PRRC2A: variants seen among roughly 807,000 people sequenced by gnomAD.
The protein encoded by PRRC2A is proline rich coiled-coil 2A, also known as protein PRRC2A.
Under a neutral mutation model 224.6 loss-of-function variants are expected in PRRC2A, and 59 were observed. That is an observed-to-expected ratio of 0.26 (90% confidence interval 0.21 to 0.33). The LOEUF is 0.33. Among genes scored for constraint, PRRC2A ranks in the 10% least tolerant of loss-of-function variants. PRRC2A has a pLI of 1.00. For synonymous variants in PRRC2A, 1,194 were observed against 1,109.5 expected (o/e 1.08, Z -1.51); for missense variants, 3,095 against 2,880.7 (o/e 1.07, Z -1.70).
In PRRC2A at chr6:31,631,060, C is replaced by T; in HGVS notation, c.2466-79C>T. On this transcript the variant is annotated intron_variant, in intron 15 of 30. Coordinates refer to ENST00000376033, the MANE Select transcript of PRRC2A (RefSeq NM_004638.4). The surrounding 1 kb of genome is among the most constrained non-coding windows in gnomAD (Gnocchi z 4.5). ...AAAAATAGTAAAAGAGAGTCTGCAT[C>T]ATAATAAAGTGTTCTTTTCCCACCT... 4 of 1,359,386 alleles carry T rather than the reference C, an allele frequency of 2.9e-6. No individual in the cohort carries two copies. The highest frequency in any genetic ancestry group is 1.5e-5 in the African/African-American group (1 of 68,434). 84.2% of individuals were successfully genotyped at this position (1,359,386 alleles called of 1,614,324 possible).
Position 31,631,997 on chromosome 6 carries a change from A to G in PRRC2A, c.3324A>G (p.Thr1108=), listed in dbSNP as rs1190174350. ...GGCGCCGGCAGCGGGGCTCAGAAACAGGCAGCGAGACCCATGAGAGTGATC... is the reference window on the plus strand; with the variant it reads ...GGCGCCGGCAGCGGGGCTCAGAAACGGGCAGCGAGACCCATGAGAGTGATC... ...PKRRRQRGSE[T]GSETHESDLA... The change falls in exon 16 of 31, where the codon ACA becomes ACG. Residue 1108 remains threonine (T), a synonymous_variant. Coordinates refer to ENST00000376033, the MANE Select transcript of PRRC2A (RefSeq NM_004638.4). The surrounding 1 kb of genome is among the most constrained non-coding windows in gnomAD (Gnocchi z 4.5). 11 of 1,611,512 alleles carry G rather than the reference A, an allele frequency of 6.8e-6. No homozygotes were observed. The highest frequency in any genetic ancestry group is 9.3e-6 in the Non-Finnish European group (11 of 1,179,202).
rs760550028 is a variant in PRRC2A at position 31,637,450 on chromosome 6, C to T, written c.6338C>T (p.Ser2113Phe). 6.3e-7 allele frequency: 1 copy of T among 1,579,802 alleles called. No homozygotes were observed. The highest frequency in any genetic ancestry group is 1.2e-5 in the South Asian group (1 of 86,484). ...TQRVDLYQQA[S>F]PPDALRWIPK... ...TAACACATGCCTGTCCCCTAGGCCT[C>T]CCCACCAGATGCCCTGCGCTGGATA... Residue 2113 changes from serine to phenylalanine, a missense_variant, in exon 31 of 31, where the codon TCC becomes TTC. This residue lies in a region of PRRC2A where 662 missense variants were observed against 609.5 expected (regional missense o/e 1.09). Transcript: ENST00000376033.
At position 31,631,435 on chromosome 6, in the gene PRRC2A, G is replaced by A. The variant is rs772612664; in HGVS notation, c.2762G>A (p.Arg921His). 52 of 1,609,680 alleles carry A rather than the reference G, an allele frequency of 3.2e-5. No individual in the cohort carries two copies. The East Asian group carries it at 9.6e-4, about 30-fold the overall frequency. Residue 921 changes from arginine (R) to histidine (H), a missense_variant, in exon 16 of 31, where the codon CGC becomes CAC. Physicochemically the swap from Arg to His is conservative, Grantham distance 29. Coordinates refer to ENST00000376033, the MANE Select transcript of PRRC2A (RefSeq NM_004638.4). The surrounding 1 kb of genome is among the most constrained non-coding windows in gnomAD (Gnocchi z 4.5). ...CCCCCACCACCACGCAGAGAGAGTCGCACAGAGACCCGCTGGGGCCCTCGT... is the reference window on the plus strand; with the variant it reads ...CCCCCACCACCACGCAGAGAGAGTCACACAGAGACCCGCTGGGGCCCTCGT... ...QGPPPPRRES[R>H]TETRWGPRPG... is the part of the protein sequence containing the mutation.
chr6:31,634,199 C>T, intron 18 of PRRC2A, 37 bp from the exon 19 acceptor site: 2 of 1,574,964 alleles, frequency 1.3e-6, no homozygotes, highest in Non-Finnish European at 1.7e-6. Flanking sequence ...AATTCCCACC[C>T]AATTCATGTT....
Position 31,624,264 on chromosome 6 carries a change from C to A in PRRC2A, c.294C>A (p.Ser98=). The change falls in exon 4 of 31, where the codon TCC becomes TCA. Residue 98 remains serine (S), a synonymous_variant. Coordinates refer to ENST00000376033, the MANE Select transcript of PRRC2A (RefSeq NM_004638.4). ...CCTTCCCATTCTGTCCCCTCAGTTCCGATGCCTCAACCGCTCAGCCGCCGG... is the reference window on the plus strand; with the variant it reads ...CCTTCCCATTCTGTCCCCTCAGTTCAGATGCCTCAACCGCTCAGCCGCCGG... The part of the protein sequence containing the change: ...SKQEQSDPKS[S]DASTAQPPES... 1.9e-6 allele frequency: 3 copies of A among 1,613,370 alleles called. No homozygotes were observed. The highest frequency in any genetic ancestry group is 2.5e-6 in the Non-Finnish European group (3 of 1,179,862).
Position 31,631,977 on chromosome 6 carries a change from C to A in PRRC2A, c.3304C>A (p.Arg1102=). Residue 1102 remains arginine (R), a synonymous_variant, in exon 16 of 31, where the codon CGG becomes AGG. Coordinates refer to ENST00000376033, the MANE Select transcript of PRRC2A (RefSeq NM_004638.4). This position sits in a 1 kb window ranked among gnomAD's most constrained non-coding sequence, Gnocchi z 4.5. ...GTATGAGGAAATCCCCAAGCGGCGC[C>A]GGCAGCGGGGCTCAGAAACAGGCAG... ...SEYEEIPKRR[R]QRGSETGSET... 6.2e-7 allele frequency: 1 copy of A among 1,612,650 alleles called. No individual in the cohort carries two copies.
In PRRC2A at chr6:31,625,959, A is replaced by G. The variant is rs372557119; in HGVS notation, c.840-61A>G. 6 of 1,599,326 alleles carry G rather than the reference A, an allele frequency of 3.8e-6. No individual in the cohort carries two copies. In the African/African-American group the frequency reaches 6.7e-5, roughly 18 times the overall value. On this transcript the variant is annotated intron_variant, in intron 8 of 30. Transcript: ENST00000376033. The surrounding 1 kb of genome is among the most constrained non-coding windows in gnomAD (Gnocchi z 4.1). ...GTTTTCTAGCCAGGAGGCTCAGTCT[A>G]GGATCAGTCTCGCATGTGGTTATAC...
chr6:31,633,107 C>T (rs1776864755), intron 16 of PRRC2A, 115 bp downstream of exon 16: 4 of 1,339,534 alleles, frequency 3.0e-6, no homozygotes, highest in African/African-American at 1.5e-5. Flanking sequence ...GCCATGGGCT[C>T]TAGAATGTCA....
chr6:31,637,393 T>C (rs950829049), intron 30 of PRRC2A, 53 bp from the exon 31 acceptor site: 54 of 1,602,784 alleles, frequency 3.4e-5, no homozygotes, highest in Non-Finnish European at 4.5e-5. Flanking sequence ...TCCTTCCGTC[T>C]CATCGCTGAC....
chr6:31,631,467 A>G lies in PRRC2A; in HGVS notation c.2794A>G (p.Ser932Gly). The change falls in exon 16 of 31, where the codon AGC (serine) becomes GGC (glycine). Residue 932 changes from serine to glycine, a missense_variant. Physicochemically the swap from Ser to Gly is moderately conservative, Grantham distance 56 (BLOSUM62 0). Transcript: ENST00000376033. The surrounding 1 kb of genome is among the most constrained non-coding windows in gnomAD (Gnocchi z 4.5). Reference sequence around the variant, plus strand: ...GACCCGCTGGGGCCCTCGTCCAGGGAGCAGTCGTCGTGGAATCCCTCCAGA... The same window carrying G: ...GACCCGCTGGGGCCCTCGTCCAGGGGGCAGTCGTCGTGGAATCCCTCCAGA... ...TETRWGPRPG[S>G]SRRGIPPEEP... is the part of the protein sequence containing the mutation. The G allele has an allele frequency of 6.2e-7, 1 of 1,610,226 alleles. No individual in the cohort carries two copies. The highest frequency in any genetic ancestry group is 1.3e-5 in the African/African-American group (1 of 74,886).
intron 24 of PRRC2A, 78 bp downstream of exon 24, chr6:31,635,827 C>T: frequency 2.0e-6 from 3 of 1,491,196 alleles, no homozygotes; most frequent in African/African-American, 1.4e-5. Flanking sequence ...TATAATCAAG[C>T]CTTTCTACGT....
At chr6:31,630,153 C>T (rs1776379887) in intron 14 of PRRC2A, among the ~76,000 whole-genome samples, 1 of 151,902 alleles carries the variant, frequency 6.6e-6, no homozygotes. Flanking sequence ...CCCATTTCTA[C>T]TAAAAATACA....
At position 31,626,965 on chromosome 6, in the gene PRRC2A, T is replaced by C. The variant is rs1358130428; in HGVS notation, c.1074-17T>C. The C allele has an allele frequency of 2.5e-6, 4 of 1,614,012 alleles. No homozygotes were observed. The African/African-American group carries it at 4.0e-5, about 16-fold the overall frequency. On this transcript the variant is annotated splice_polypyrimidine_tract_variant and intron_variant, in intron 10 of 30. Transcript: ENST00000376033. The stretch of plus-strand genomic sequence containing the variant: ...TAGTTGCAGCTGATTTTAATTTCAC[T>C]GTTGATCTGCTCACAGCAGGGATTC...
intron 16 of PRRC2A, 55 bp from the exon 17 acceptor site, chr6:31,633,324 G>T (rs1449662056): frequency 1.9e-6 from 3 of 1,568,910 alleles, no homozygotes; most frequent in Non-Finnish European, 2.6e-6. Context: ...AACATAACTT[G>T]TGGGAAAAAG....
intron 2 of PRRC2A, 140 bp downstream of exon 2, chr6:31,623,041 C>A: frequency 1.2e-6 from 1 of 810,836 alleles, no homozygotes. Flanking sequence ...ACACTGGGTC[C>A]TTTAAAGGGG....
chr6:31,631,383 C>T lies in PRRC2A; in HGVS notation c.2710C>T (p.Arg904Cys), dbSNP rs760996116. Residue 904 changes from arginine to cysteine, a missense_variant, in exon 16 of 31, where the codon CGC (arginine) becomes TGC (cysteine). By Grantham distance (180) the Arg-to-Cys change is radical. Coordinates refer to ENST00000376033, the MANE Select transcript of PRRC2A (RefSeq NM_004638.4). This position sits in a 1 kb window ranked among gnomAD's most constrained non-coding sequence, Gnocchi z 4.5. ...TGPEAGRKPA[R>C]GVGSGGQGPP... ...GCCAGAAGCAGGCCGAAAGCCTGCC[C>T]GCGGAGTCGGGAGTGGAGGCCAGGG... 1.6e-5 allele frequency: 25 copies of T among 1,605,526 alleles called. No homozygotes were observed. Among genetic ancestry groups the T allele is most frequent in the Non-Finnish European group, 1.8e-5 (21 of 1,177,122 alleles).
At position 31,631,879 on chromosome 6, in the gene PRRC2A, G is replaced by A; in HGVS notation, c.3206G>A (p.Gly1069Glu). ...EFRGDDGRGG[G>E]TGGPNHPPAP... ...CGAGGAGATGATGGGCGTGGAGGTG[G>A]GACAGGGGGACCAAACCACCCTCCT... The change falls in exon 16 of 31, where the codon GGG becomes GAG. Residue 1069 changes from glycine to glutamate, a missense_variant. This residue lies in a region of PRRC2A where 2,001 missense variants were observed against 1,764.9 expected (regional missense o/e 1.13). Transcript: ENST00000376033. The surrounding 1 kb of genome is among the most constrained non-coding windows in gnomAD (Gnocchi z 4.5). The A allele has an allele frequency of 6.2e-7, 1 of 1,610,902 alleles. No homozygotes were observed. Among genetic ancestry groups the A allele is most frequent in the Non-Finnish European group, 8.5e-7 (1 of 1,179,142 alleles).
rs752525702 is a variant in PRRC2A, at chr6:31,627,824, G to A, written c.1350G>A (p.Arg450=). 1 of 1,613,094 alleles carries A rather than the reference G, an allele frequency of 6.2e-7. No homozygotes were observed. The highest frequency in any genetic ancestry group is 8.5e-7 in the Non-Finnish European group (1 of 1,180,042). ...PAPEDEDEAW[R]QRRKQSSSEI... ...CTGAAGATGAGGATGAGGCATGGCG[G>A]CAGCGACGAAAGCAGTCGTCATCTG... The change falls in exon 12 of 31, where the codon CGG becomes CGA. Residue 450 remains arginine (R), a synonymous_variant. Transcript: ENST00000376033. The surrounding 1 kb of genome is among the most constrained non-coding windows in gnomAD (Gnocchi z 5.6).
At chr6:31,623,194 C>G (rs1474825399) in intron 2 of PRRC2A, 1 of 679,922 alleles carries the variant, frequency 1.5e-6, no homozygotes, top group Non-Finnish European at 2.7e-6. Flanking sequence ...GGCTCATGAT[C>G]AACCAATCTC....
Sources: gnomAD v4.1 joint callset for allele counts (sites outside exome capture counted in the v4.1 genomes callset) on GRCh38, gnomAD v4.1.1 for gene constraint, gnomAD v4.1.1 regional missense constraint, Gnocchi (gnomAD v3.1) non-coding constraint, MANE v1.5 for transcripts, NCBI Gene and HGNC (gene_info 2026-07-23, HGNC 2026-07-21) for gene names.